PIKFYVE: variants seen among roughly 807,000 people sequenced by gnomAD.
PIKFYVE encodes the protein 1-phosphatidylinositol 3-phosphate 5-kinase.
PIKFYVE carries 122 observed loss-of-function variants against 257.9 expected under a neutral mutation model. The observed-to-expected ratio is 0.47, with a 90% CI of 0.41 to 0.55. The LOEUF (loss-of-function observed/expected upper bound fraction) is 0.55. PIKFYVE is among the 20% of genes least tolerant of loss of function. The pLI, the probability that PIKFYVE is intolerant of heterozygous loss-of-function variation, is 0.00. For missense variants in PIKFYVE, 2,160 were observed against 2,536.6 expected, an observed-to-expected ratio of 0.85 and a Z score of 3.19; for synonymous variants, 892 against 868.9, an observed-to-expected ratio of 1.03 and a Z score of -0.47.
In PIKFYVE at chr2:208,288,807, T is replaced by A. The variant is rs765845131; in HGVS notation, c.900T>A (p.Pro300=). 2 of 1,614,104 alleles carry A rather than the reference T, an allele frequency of 1.2e-6. No individual in the cohort carries two copies. Among genetic ancestry groups the A allele is most frequent in the South Asian group, 2.2e-5 (2 of 91,084 alleles). ...VSVQEDAGKS[P]ARNRSASITN... ...TGCAAGAGGATGCTGGGAAATCTCC[T>A]GCTCGAAATAGGTAAACTGACAAAT... is the stretch of plus-strand genomic sequence containing the variant. The change falls in exon 7 of 42, where the codon CCT becomes CCA. Residue 300 remains proline, a synonymous_variant. Coordinates refer to ENST00000264380, the MANE Select transcript of PIKFYVE (RefSeq NM_015040.4).
At chr2:208,329,740 G>T in intron 21 of PIKFYVE, 102 bp from the exon 22 acceptor site, 1 of 1,531,584 alleles carries the variant, frequency 6.5e-7, no homozygotes, top group Non-Finnish European at 8.9e-7. Context: ...ATACTTCATT[G>T]TAAGTACCAT....
At chr2:208,271,733 T>G (rs931836793) in intron 2 of PIKFYVE, 42 bp downstream of exon 2, 1 of 1,574,354 alleles carries the variant, frequency 6.4e-7, no homozygotes, top group Non-Finnish European at 8.7e-7. Context: ...CAGGTCTGAT[T>G]GTTTGAAATG....
intron 29 of PIKFYVE, 55 bp downstream of exon 29, chr2:208,338,623 T>A (rs1698403104): frequency 6.5e-7 from 1 of 1,547,038 alleles, no homozygotes; most frequent in Non-Finnish European, 8.9e-7. Context: ...AATTTCTTAT[T>A]GTATAAGTTG....
chr2:208,317,655 G>A (rs1169304640), intron 15 of PIKFYVE, among the ~76,000 whole-genome samples: 1 of 152,124 alleles, frequency 6.6e-6, no homozygotes, highest in Non-Finnish European at 1.5e-5. Flanking sequence ...GAGTCCTAGG[G>A]TAGTACATTA....
chr2:208,316,190 A>G (rs111490818), intron 15 of PIKFYVE, among the ~76,000 whole-genome samples: 171 of 152,004 alleles, frequency 1.1e-3, no homozygotes, highest in African/African-American at 4.0e-3. Flanking sequence ...CCACGTCCCT[A>G]CAAAGGACAT....
At chr2:208,328,305 A>G (rs892896334) in intron 21 of PIKFYVE, 25 bp downstream of exon 21, 2 of 1,612,822 alleles carry the variant, frequency 1.2e-6, no homozygotes, top group Middle Eastern at 1.7e-4. Flanking sequence ...CCCCTACACT[A>G]TTCCACATAA....
At chr2:208,283,653 T>C (rs1366875622) in intron 5 of PIKFYVE, among the ~76,000 whole-genome samples, 1 of 151,986 alleles carries the variant, frequency 6.6e-6, no homozygotes, top group Non-Finnish European at 1.5e-5. Flanking sequence ...ACAGCTCAGC[T>C]CACTGCAGCC....
At chr2:208,336,245 T>G (rs772104534) in intron 27 of PIKFYVE, 45 bp downstream of exon 27, 36 of 1,606,298 alleles carry the variant, frequency 2.2e-5, no homozygotes, top group Non-Finnish European at 2.7e-5. Context: ...TTGCCACATT[T>G]GTTCTAATGT....
chr2:208,282,002 C>T, intron 5 of PIKFYVE, among the ~76,000 whole-genome samples: 1 of 152,176 alleles, frequency 6.6e-6, no homozygotes, highest in Non-Finnish European at 1.5e-5. Flanking sequence ...GAATTTGAAT[C>T]CCTAAGGTTA....
At chr2:208,332,360 A>G (rs1697642414) in intron 23 of PIKFYVE, among the ~76,000 whole-genome samples, 1 of 152,184 alleles carries the variant, frequency 6.6e-6, no homozygotes, top group South Asian at 2.1e-4. Flanking sequence ...ATATTGTTGG[A>G]GACTGTATAC....
At chr2:208,307,861 C>T (rs931036520) in intron 12 of PIKFYVE, among the ~76,000 whole-genome samples, 22 of 152,062 alleles carry the variant, frequency 1.4e-4, no homozygotes, top group African/African-American at 4.8e-4. Context: ...AGGACAATTT[C>T]GTACTTGAAA....
rs751721126 is a variant in PIKFYVE at position 208,324,902 on chromosome 2, G to A, written c.2332-9G>A. 8 of 1,613,310 alleles carry A rather than the reference G, an allele frequency of 5.0e-6. No homozygotes were observed. The highest frequency in any genetic ancestry group is 6.8e-6 in the Non-Finnish European group (8 of 1,179,388). On this transcript the variant is annotated splice_polypyrimidine_tract_variant and intron_variant, in intron 18 of 41. Coordinates refer to ENST00000264380, the MANE Select transcript of PIKFYVE (RefSeq NM_015040.4). The stretch of plus-strand genomic sequence containing the variant: ...TAGTTTTGTAATACAATGTTTTTCT[G>A]TTTTGTAGCAAGTTTTGGAACGAAT...
chr2:208,327,494 T>C (rs1697066163), intron 20 of PIKFYVE, among the ~76,000 whole-genome samples: 1 of 152,188 alleles, frequency 6.6e-6, no homozygotes, highest in Admixed American at 6.5e-5. Context: ...CATGATATAT[T>C]TGAAGTGTTA....
chr2:208,339,693 T>G (rs1698522752), intron 30 of PIKFYVE, 138 bp downstream of exon 30: 1 of 1,227,630 alleles, frequency 8.1e-7, no homozygotes, highest in Non-Finnish European at 1.2e-6. Flanking sequence ...TGCTTTCTGT[T>G]TAGGTGGTAA....
At chr2:208,353,224 A>G (rs1699928296) in intron 39 of PIKFYVE, among the ~76,000 whole-genome samples, 1 of 152,228 alleles carries the variant, frequency 6.6e-6, no homozygotes, top group Non-Finnish European at 1.5e-5. Context: ...AATGTAATTC[A>G]GTTCACTGCT....
chr2:208,304,204 A>G lies in PIKFYVE; in HGVS notation c.1354A>G (p.Ser452Gly). 1.9e-6 allele frequency: 3 copies of G among 1,614,148 alleles called. No individual in the cohort carries two copies. The highest frequency in any genetic ancestry group is 2.5e-6 in the Non-Finnish European group (3 of 1,180,004). Residue 452 changes from serine (S) to glycine (G), a missense_variant, in exon 11 of 42, where the codon AGT (serine) becomes GGT (glycine). This residue lies in a region of PIKFYVE where 90 missense variants were observed against 110.6 expected (regional missense o/e 0.81). Coordinates refer to ENST00000264380, the MANE Select transcript of PIKFYVE (RefSeq NM_015040.4). ...ATTTTCTGAGACGCCTTCTCCCGACAGTGACTCAGTGAACTCCGTGGAAGG... is the reference window on the plus strand; with the variant it reads ...ATTTTCTGAGACGCCTTCTCCCGACGGTGACTCAGTGAACTCCGTGGAAGG... The part of the protein sequence containing the change: ...TEFSETPSPD[S>G]DSVNSVEGHS...
At chr2:208,302,147 A>G (rs1269955753) in intron 9 of PIKFYVE, 95 bp from the exon 10 acceptor site, 2 of 1,063,018 alleles carry the variant, frequency 1.9e-6, no homozygotes, top group African/African-American at 3.1e-5. Context: ...CTCTGATTAG[A>G]ACTGAAAAAA....
chr2:208,291,381 T>G (rs1041228433), intron 7 of PIKFYVE, among the ~76,000 whole-genome samples: 1 of 152,114 alleles, frequency 6.6e-6, no homozygotes, highest in African/African-American at 2.4e-5. Flanking sequence ...TTTTATACAT[T>G]GTTGGATTGG....
At position 208,273,700 on chromosome 2, in the gene PIKFYVE, A is replaced by G. The variant is rs953757077; in HGVS notation, c.289A>G (p.Asn97Asp). 9 of 1,614,000 alleles carry G rather than the reference A, an allele frequency of 5.6e-6. No homozygotes were observed. The highest frequency in any genetic ancestry group is 6.8e-6 in the Non-Finnish European group (8 of 1,180,030). ...ACCCACACCTTATAAAAAGCAGCTT[A>G]ATGAGGAACTCCAGCGGCGCTCTTC... is the stretch of plus-strand genomic sequence containing the variant. ...RSPTPYKKQL[N>D]EELQRRSSAL... The change falls in exon 3 of 42, where the codon AAT becomes GAT. Residue 97 changes from asparagine (N) to aspartate (D), a missense_variant. By Grantham distance (23) the Asn-to-Asp change is conservative (BLOSUM62 1). Around this residue, in one of 12 missense-constraint regions of PIKFYVE, gnomAD observed 172 missense variants for 180.6 expected, o/e 0.95. Coordinates refer to ENST00000264380, the MANE Select transcript of PIKFYVE (RefSeq NM_015040.4).
Sources: gnomAD v4.1 joint callset for allele counts (sites outside exome capture counted in the v4.1 genomes callset) on GRCh38, gnomAD v4.1.1 for gene constraint, gnomAD v4.1.1 regional missense constraint, MANE v1.5 for transcripts, NCBI Gene and HGNC (gene_info 2026-07-23, HGNC 2026-07-21) for gene names.